The following REEP5 variants were observed in gnomAD, a reference collection of about 807,000 sequenced individuals.
The protein encoded by REEP5 is receptor accessory protein 5, also known as receptor expression-enhancing protein 5.
REEP5 carries 24 observed loss-of-function variants against 22.4 expected under a neutral mutation model. The observed-to-expected ratio is 1.07, with a 90% CI of 0.78 to 1.51. The LOEUF is 1.51. Ranked by LOEUF, REEP5 falls within the 40% of genes most tolerant of loss-of-function variation. The pLI is 0.00. For synonymous variants in REEP5, 103 were observed against 88.6 expected (o/e 1.16, Z -0.92); for missense variants, 252 against 233.0 (o/e 1.08, Z -0.53).
chr5:112,901,730 G>A (rs1269773823), intron 3 of REEP5, among the ~76,000 whole-genome samples: 1 of 150,042 alleles, frequency 6.7e-6, no homozygotes, highest in Non-Finnish European at 1.5e-5. Flanking sequence ...AAAAAAGGAG[G>A]TCAGATTGAG....
rs1052899752 is a variant in REEP5, at chr5:112,877,225, A to G, written c.*1561T>C. 1 of 152,196 alleles carries G rather than the reference A, an allele frequency of 6.6e-6. No individual in the cohort carries two copies. The highest frequency in any genetic ancestry group is 1.5e-5 in the Non-Finnish European group (1 of 68,024). The allele number at this position is 152,196 out of a possible 1,614,324, so 9.4% of individuals were successfully genotyped here. A position where few individuals can be genotyped will look rare whatever the true frequency, so the allele number is the denominator to read the frequency against. ...AGTGATACTGTCACTTAGTATTGATATCTTTAATATTTTTTACATCATGAG... is the reference window on the plus strand; with the variant it reads ...AGTGATACTGTCACTTAGTATTGATGTCTTTAATATTTTTTACATCATGAG... On this transcript the variant is annotated 3_prime_UTR_variant, in exon 5 of 5. Transcript: ENST00000379638.
intron 2 of REEP5, among the ~76,000 whole-genome samples, chr5:112,914,425 A>T (rs1019368900): frequency 6.6e-6 from 1 of 151,768 alleles, no homozygotes; most frequent in Non-Finnish European, 1.5e-5. Context: ...TTTTGTAGAG[A>T]TGGGGTTTTG....
chr5:112,917,166 C>T (rs997907530), intron 2 of REEP5, among the ~76,000 whole-genome samples: 10 of 152,222 alleles, frequency 6.6e-5, no homozygotes, highest in African/African-American at 2.4e-4. Flanking sequence ...ATCCCTCTGC[C>T]TCAGCACCCC....
At chr5:112,887,768 T>G (rs1198891633) in intron 3 of REEP5, among the ~76,000 whole-genome samples, 1 of 152,220 alleles carries the variant, frequency 6.6e-6, no homozygotes, top group Non-Finnish European at 1.5e-5. Flanking sequence ...ACTCCTTCTT[T>G]ACAGCTCTAC....
intron 1 of REEP5, chr5:112,921,554 C>T (rs153558): frequency 0.32 from 142,300 of 441,184 alleles, 24,286 homozygotes; most frequent in Middle Eastern, 0.35. Context: ...CGCTTCCGCC[C>T]TCTCGCAGGG....
At chr5:112,882,449 T>C (rs993475166) in intron 4 of REEP5, among the ~76,000 whole-genome samples, 11 of 152,232 alleles carry the variant, frequency 7.2e-5, no homozygotes, top group African/African-American at 2.7e-4. Context: ...CCTCACTTCA[T>C]AGTTCTTGCT....
At chr5:112,918,638 G>C (rs370127538) in intron 2 of REEP5, among the ~76,000 whole-genome samples, 28 of 152,228 alleles carry the variant, frequency 1.8e-4, no homozygotes, top group African/African-American at 6.7e-4. Flanking sequence ...AATATAAATC[G>C]TATCATGTCA....
chr5:112,904,318 G>A (rs538529575), intron 2 of REEP5, among the ~76,000 whole-genome samples: 18 of 152,260 alleles, frequency 1.2e-4, no homozygotes, highest in African/African-American at 3.4e-4. Flanking sequence ...TCCTTTATGT[G>A]TAAGATTTCT....
intron 3 of REEP5, among the ~76,000 whole-genome samples, chr5:112,888,755 A>G (rs1201888690): frequency 6.6e-6 from 1 of 150,934 alleles, no homozygotes. Flanking sequence ...GCATGGTGGC[A>G]TGCACCTGTA....
chr5:112,920,617 G>A (rs1185491903), intron 2 of REEP5, among the ~76,000 whole-genome samples: 1 of 152,098 alleles, frequency 6.6e-6, no homozygotes, highest in Non-Finnish European at 1.5e-5. Flanking sequence ...ATATCATGGA[G>A]CATTTTTAAA....
intron 2 of REEP5, among the ~76,000 whole-genome samples, chr5:112,906,022 A>G (rs1768950141): frequency 6.6e-6 from 1 of 152,242 alleles, no homozygotes; most frequent in Non-Finnish European, 1.5e-5. Flanking sequence ...TATGAATCAT[A>G]TTCCAACTTG....
intron 2 of REEP5, among the ~76,000 whole-genome samples, chr5:112,908,678 A>C (rs1261858630): frequency 6.6e-6 from 1 of 151,406 alleles, no homozygotes; most frequent in Non-Finnish European, 1.5e-5. Flanking sequence ...GGTGCCCACG[A>C]CAGCGCCCAC....
intron 2 of REEP5, among the ~76,000 whole-genome samples, chr5:112,904,771 T>TG (rs1561656480): frequency 6.6e-6 from 1 of 152,222 alleles, no homozygotes; most frequent in African/African-American, 2.4e-5. Flanking sequence ...TTTTAAATGT[T>TG]AGTCAAGTTC....
intron 2 of REEP5, among the ~76,000 whole-genome samples, chr5:112,910,776 G>A (rs1458588519): frequency 3.3e-5 from 5 of 152,166 alleles, no homozygotes; most frequent in Non-Finnish European, 5.9e-5. Flanking sequence ...CATTGCTCAA[G>A]GAAATAGCAG....
chr5:112,914,864 G>T (rs1384541621), intron 2 of REEP5, among the ~76,000 whole-genome samples: 6 of 152,172 alleles, frequency 3.9e-5, no homozygotes, highest in Admixed American at 2.6e-4. Context: ...AGGAAAGTGT[G>T]CAAGTGACAG....
chr5:112,910,645 C>G (rs948761346), intron 2 of REEP5, among the ~76,000 whole-genome samples: 2 of 152,180 alleles, frequency 1.3e-5, no homozygotes, highest in African/African-American at 4.8e-5. Context: ...GCAGCTCAAT[C>G]TCTCCATTGT....
chr5:112,917,756 G>A (rs1769262305), intron 2 of REEP5, among the ~76,000 whole-genome samples: 1 of 152,166 alleles, frequency 6.6e-6, no homozygotes, highest in Admixed American at 6.5e-5. Flanking sequence ...AGACATTAAA[G>A]GCCATATATT....
rs557376270 is a variant in REEP5 at position 112,890,855 on chromosome 5, G to C, written c.352-3672C>G. ...CAAGTTACTTAATCACTTAAGTCTG[G>C]TTTTTCCTCTATAAAATAGGTATTA... On this transcript the variant is annotated intron_variant, in intron 3 of 4. Coordinates refer to ENST00000379638, the MANE Select transcript of REEP5 (RefSeq NM_005669.5). Among the ~76,000 whole-genome samples, 34 of 150,584 alleles carry C rather than the reference G, an allele frequency of 2.3e-4. 5 individuals carry two copies. In the East Asian group the frequency reaches 6.9e-3, roughly 30 times the overall value.
chr5:112,885,781 G>T, intron 4 of REEP5: 1 of 247,970 alleles, frequency 4.0e-6, no homozygotes, highest in Non-Finnish European at 8.4e-6. Context: ...CAAGCCCGTA[G>T]TCTGAGACAG....
Sources: allele counts gnomAD v4.1 joint callset (sites outside exome capture counted in the v4.1 genomes callset), GRCh38; gene constraint gnomAD v4.1.1; transcripts MANE v1.5; gene names NCBI Gene and HGNC (gene_info 2026-07-23, HGNC 2026-07-21).